ZNF277: variants seen among roughly 807,000 people sequenced by gnomAD.
ZNF277 encodes the protein zinc finger protein 277, also known as nuclear receptor-interacting factor 4.
Under a neutral mutation model 60.7 loss-of-function variants are expected in ZNF277, and 55 were observed. The observed-to-expected ratio is 0.91, with a 90% CI of 0.73 to 1.13. The LOEUF (loss-of-function observed/expected upper bound fraction) is 1.13, where lower values mean the gene tolerates loss of function less well. Among genes scored for constraint, ZNF277 ranks in the 50% most tolerant of loss-of-function variants. ZNF277 has a pLI of 0.00. For missense variants in ZNF277, 510 were observed against 523.0 expected, an observed-to-expected ratio of 0.98 and a Z score of 0.24; for synonymous variants, 178 against 179.3, an observed-to-expected ratio of 0.99 and a Z score of 0.06.
Position 112,299,318 on chromosome 7 carries a change from A to G in ZNF277, c.465+3007A>G, listed in dbSNP as rs541201783. On this transcript the variant is annotated intron_variant, in intron 4 of 11. Transcript: ENST00000361822. ...TAAATCATTAAATGAAACAAAAGTA[A>G]CAGTATACTTTTTCTTCTTCTATCA... Among the ~76,000 whole-genome samples the G allele has an allele frequency of 3.3e-5, 5 of 152,306 alleles. 2 individuals are homozygous for G. In the South Asian group the frequency reaches 1.0e-3, roughly 32 times the overall value.
At chr7:112,241,165 A>C (rs1371792853) in intron 1 of ZNF277, among the ~76,000 whole-genome samples, 1 of 152,174 alleles carries the variant, frequency 6.6e-6, no homozygotes, top group African/African-American at 2.4e-5. Flanking sequence ...GGAAAAAAAA[A>C]AATCTAATAA....
chr7:112,233,514 A>G (rs1337650480), intron 1 of ZNF277, among the ~76,000 whole-genome samples: 1 of 152,170 alleles, frequency 6.6e-6, no homozygotes, highest in African/African-American at 2.4e-5. Context: ...TCATACAACT[A>G]GTTTCTACCA....
chr7:112,325,849 GT>G (rs1356247121), intron 5 of ZNF277, among the ~76,000 whole-genome samples: 1 of 152,176 alleles, frequency 6.6e-6, no homozygotes, highest in East Asian at 1.9e-4. Flanking sequence ...CTGTCAGTCT[GT>G]TCCACCCACA....
chr7:112,328,456 C>G (rs1172814911), intron 6 of ZNF277: 1 of 152,098 alleles, frequency 6.6e-6, no homozygotes, highest in African/African-American at 2.4e-5. Flanking sequence ...AAAAACGTAT[C>G]CACTTTTCTT....
intron 1 of ZNF277, among the ~76,000 whole-genome samples, chr7:112,246,630 G>A (rs928324458): frequency 2.6e-5 from 4 of 152,156 alleles, no homozygotes; most frequent in Admixed American, 2.0e-4. Flanking sequence ...TTGCAAATGA[G>A]GAGGAAGCAT....
At chr7:112,217,204 A>G (rs1198537116) in intron 1 of ZNF277, among the ~76,000 whole-genome samples, 1 of 152,248 alleles carries the variant, frequency 6.6e-6, no homozygotes, top group Non-Finnish European at 1.5e-5. Context: ...ACATAGAGTT[A>G]TGCAAAAAAG....
Position 112,226,496 on chromosome 7 carries a change from A to G in ZNF277, c.91+19689A>G, listed in dbSNP as rs1180661411. 2.0e-5 allele frequency among the ~76,000 whole-genome samples: 3 copies of G among 152,166 alleles called. No homozygotes were observed. In the East Asian group the frequency reaches 5.8e-4, roughly 29 times the overall value. On this transcript the variant is annotated intron_variant, in intron 1 of 11. Transcript: ENST00000361822. ...TTCAAATCAGCATCTTTGTTTCTCT[A>G]GTTTAGTGTTCCTTTGATAGTACAT...
intron 1 of ZNF277, among the ~76,000 whole-genome samples, chr7:112,267,289 A>G (rs1437796172): frequency 6.6e-6 from 1 of 152,126 alleles, no homozygotes; most frequent in Admixed American, 6.6e-5. Flanking sequence ...ACATTTCTGT[A>G]TTTTATTTAG....
At chr7:112,314,569 G>A (rs1405457101) in intron 4 of ZNF277, among the ~76,000 whole-genome samples, 6 of 152,082 alleles carry the variant, frequency 3.9e-5, no homozygotes, top group Non-Finnish European at 7.4e-5. Context: ...TGAGGGAGGA[G>A]GATCACTTGA....
Position 112,232,254 on chromosome 7 carries a change from G to T in ZNF277, c.91+25447G>T, listed in dbSNP as rs116520682. The stretch of plus-strand genomic sequence containing the variant: ...GGGGAAGACAAACAGAAAGTGAATT[G>T]CAAGGAAAAGAAGCAAGGTACCAAC... On this transcript the variant is annotated intron_variant, in intron 1 of 11. Coordinates refer to ENST00000361822, the MANE Select transcript of ZNF277 (RefSeq NM_021994.3). 5.8e-3 allele frequency among the ~76,000 whole-genome samples: 889 copies of T among 152,000 alleles called. 9 individuals carry two copies. Among genetic ancestry groups the T allele is most frequent in the African/African-American group, 0.02 (835 of 41,414 alleles).
intron 7 of ZNF277, among the ~76,000 whole-genome samples, chr7:112,334,287 G>C (rs564439768): frequency 6.6e-6 from 1 of 152,114 alleles, no homozygotes; most frequent in East Asian, 1.9e-4. Context: ...AGGGGTTTGA[G>C]GGGGTGTCTG....
At chr7:112,310,242 C>T (rs75598887) in intron 4 of ZNF277, among the ~76,000 whole-genome samples, 8,896 of 151,876 alleles carry the variant, frequency 0.059, 705 homozygotes, top group African/African-American at 0.18. Flanking sequence ...TGAGTCATGT[C>T]ATTTATATAA....
At chr7:112,266,191 G>A (rs996274844) in intron 1 of ZNF277, among the ~76,000 whole-genome samples, 1 of 151,760 alleles carries the variant, frequency 6.6e-6, no homozygotes, top group African/African-American at 2.4e-5. Context: ...TGTCACCCAG[G>A]CTGGAGTGTA....
At chr7:112,341,145 T>C in intron 11 of ZNF277, 99 bp downstream of exon 11, 1 of 1,147,482 alleles carries the variant, frequency 8.7e-7, no homozygotes, top group Non-Finnish European at 1.2e-6. Flanking sequence ...AAGGAATACA[T>C]ATTTATTATA....
intron 1 of ZNF277, among the ~76,000 whole-genome samples, chr7:112,280,694 C>T (rs985311384): frequency 2.0e-5 from 3 of 151,784 alleles, no homozygotes; most frequent in African/African-American, 7.3e-5. Context: ...GGCACGATCT[C>T]AGCTCACTGC....
Position 112,215,534 on chromosome 7 carries a change from G to A in ZNF277, c.91+8727G>A, listed in dbSNP as rs117120012. Among the ~76,000 whole-genome samples the A allele has an allele frequency of 5.3e-4, 80 of 152,300 alleles. 1 individual carries two copies. In the East Asian group the frequency reaches 0.015, roughly 29 times the overall value. On this transcript the variant is annotated intron_variant, in intron 1 of 11. Transcript: ENST00000361822. ...GTGGGCTCTGCATCCCTGTCTCACC[G>A]GAGCTAATAAGAGAGTCTCTTCTAG... is the stretch of plus-strand genomic sequence containing the variant.
intron 1 of ZNF277, among the ~76,000 whole-genome samples, chr7:112,260,585 A>G (rs1791419536): frequency 6.6e-6 from 1 of 152,222 alleles, no homozygotes; most frequent in Non-Finnish European, 1.5e-5. Context: ...GTTATGTAAC[A>G]TCAACGTATA....
chr7:112,218,466 T>A (rs1821943991), intron 1 of ZNF277, among the ~76,000 whole-genome samples: 1 of 152,194 alleles, frequency 6.6e-6, no homozygotes, highest in South Asian at 2.1e-4. Flanking sequence ...ATACTTACCA[T>A]TTTTTTGTGG....
chr7:112,279,543 T>C (rs1235374063), intron 1 of ZNF277, among the ~76,000 whole-genome samples: 1 of 152,168 alleles, frequency 6.6e-6, no homozygotes, highest in East Asian at 1.9e-4. Flanking sequence ...ATTTGGTTTA[T>C]TTGGGTTTTA....
Sources: gnomAD v4.1 joint callset for allele counts (sites outside exome capture counted in the v4.1 genomes callset) on GRCh38, gnomAD v4.1.1 for gene constraint, MANE v1.5 for transcripts, NCBI Gene and HGNC (gene_info 2026-07-23, HGNC 2026-07-21) for gene names.